Variants in PIGU observed in about 807,000 individuals in gnomAD.
PIGU encodes phosphatidylinositol glycan anchor biosynthesis class U, also known as GPI-anchor transamidase component PIGU.
A neutral mutation model predicts 49.9 loss-of-function variants in PIGU; 24 were observed. That is an observed-to-expected ratio of 0.48 (90% CI 0.35 to 0.68). PIGU has a LOEUF of 0.68. Among genes scored for constraint, PIGU ranks in the 30% least tolerant of loss-of-function variants. The pLI, the probability that PIGU is intolerant of heterozygous loss-of-function variation, is 0.01. For synonymous variants in PIGU, 220 were observed against 205.7 expected (o/e 1.07, Z -0.59); for missense variants, 490 against 532.6 (o/e 0.92, Z 0.79).
At chr20:34,671,180 A>G (rs981523408) in intron 1 of PIGU, among the ~76,000 whole-genome samples, 3 of 152,230 alleles carry the variant, frequency 2.0e-5, no homozygotes, top group Non-Finnish European at 2.9e-5. Context: ...TTAGAGATCA[A>G]ATTAGTGCAT....
intron 9 of PIGU, among the ~76,000 whole-genome samples, chr20:34,583,234 TC>T (rs1481660402): frequency 6.6e-6 from 1 of 152,212 alleles, no homozygotes; most frequent in Non-Finnish European, 1.5e-5. Context: ...GTGAACATCT[TC>T]CTAAACACAA....
intron 9 of PIGU, 33 bp from the exon 10 acceptor site, chr20:34,581,705 T>G: frequency 1.2e-6 from 2 of 1,605,772 alleles, no homozygotes; most frequent in East Asian, 2.2e-5. Context: ...GAGAGAGAGA[T>G]GAGTCAGGGA....
intron 11 of PIGU, among the ~76,000 whole-genome samples, chr20:34,565,903 GCA>G (rs1214088232): frequency 1.4e-5 from 2 of 143,848 alleles, no homozygotes; most frequent in African/African-American, 2.7e-5. Context: ...ACACATGCTT[GCA>G]CACACACATG....
Position 34,651,869 on chromosome 20 carries a change from C to T in PIGU, c.195+5311G>A, listed in dbSNP as rs575450439. Among the ~76,000 whole-genome samples, 4 of 151,908 alleles carry T rather than the reference C, an allele frequency of 2.6e-5. No individual in the cohort carries two copies. In the East Asian group the frequency reaches 5.8e-4, roughly 22 times the overall value. On this transcript the variant is annotated intron_variant, in intron 2 of 11. Transcript: ENST00000217446. ...CTGCAATCACAACACTTTAGGAGGCCGAGGTGGGAGGATCACTTGAGGCCA... is the reference window on the plus strand; with the variant it reads ...CTGCAATCACAACACTTTAGGAGGCTGAGGTGGGAGGATCACTTGAGGCCA...
intron 1 of PIGU, among the ~76,000 whole-genome samples, chr20:34,667,736 A>G (rs1344935841): frequency 6.6e-6 from 1 of 152,252 alleles, no homozygotes; most frequent in Non-Finnish European, 1.5e-5. Flanking sequence ...ACACCTGAGT[A>G]ATGACTGTTA....
At chr20:34,614,470 A>C (rs545616341) in intron 7 of PIGU, among the ~76,000 whole-genome samples, 1 of 150,604 alleles carries the variant, frequency 6.6e-6, no homozygotes, top group African/African-American at 2.4e-5. Context: ...CCATCTCTAC[A>C]AAAAATTAGC....
chr20:34,677,042 A>C lies in PIGU; in HGVS notation c.44T>G (p.Val15Gly), dbSNP rs1394037200. The change falls in exon 1 of 12, where the codon GTG (valine) becomes GGG (glycine). Residue 15 changes from valine (V) to glycine (G), a missense_variant. By Grantham distance (109) the Val-to-Gly change is moderately radical (BLOSUM62 -3). Transcript: ENST00000217446. ...ACTGGAGCGGAACAAGGCCGCCCGCACTGTCACAGCCACCACCAGCACCAG... is the reference window on the plus strand; with the variant it reads ...ACTGGAGCGGAACAAGGCCGCCCGCCCTGTCACAGCCACCACCAGCACCAG... ...LVLVLVVAVT[V>G]RAALFRSSLA... 1.3e-6 allele frequency: 2 copies of C among 1,576,372 alleles called. No homozygotes were observed. The highest frequency in any genetic ancestry group is 1.7e-6 in the Non-Finnish European group (2 of 1,161,532).
chr20:34,589,763 C>G (rs774993313), intron 7 of PIGU, among the ~76,000 whole-genome samples: 4 of 143,564 alleles, frequency 2.8e-5, no homozygotes, highest in Non-Finnish European at 6.0e-5. Flanking sequence ...TCAAGGGATT[C>G]TCCTGCCTCA....
At chr20:34,594,647 G>A (rs760570110) in intron 7 of PIGU, among the ~76,000 whole-genome samples, 34 of 152,256 alleles carry the variant, frequency 2.2e-4, no homozygotes, top group Non-Finnish European at 2.9e-4. Context: ...GGTGGCAGGC[G>A]CCTGTAATCC....
chr20:34,623,766 T>C (rs189427587), intron 6 of PIGU, among the ~76,000 whole-genome samples: 20 of 152,344 alleles, frequency 1.3e-4, no homozygotes, highest in African/African-American at 4.8e-4. Flanking sequence ...AGGAGGTAGA[T>C]ATTCTGGGAT....
chr20:34,566,748 G>A (rs142175437), intron 11 of PIGU, among the ~76,000 whole-genome samples: 2 of 152,158 alleles, frequency 1.3e-5, no homozygotes, highest in Non-Finnish European at 1.5e-5. Flanking sequence ...AGTCCTGCCT[G>A]TCAGAGGCCC....
chr20:34,666,246 C>A (rs1420814220), intron 1 of PIGU, among the ~76,000 whole-genome samples: 1 of 152,000 alleles, frequency 6.6e-6, no homozygotes, highest in Non-Finnish European at 1.5e-5. Flanking sequence ...TCACAAAGTG[C>A]CTATTAGGGG....
At position 34,602,349 on chromosome 20, in the gene PIGU, C is replaced by T. The variant is rs370641925; in HGVS notation, c.627+13693G>A. On this transcript the variant is annotated intron_variant, in intron 7 of 11. Coordinates refer to ENST00000217446, the MANE Select transcript of PIGU (RefSeq NM_080476.5). ...CGGTGGCTCACATCTGTAATCCTAG[C>T]ACTTTGGGAGGCCGAGGTGGGCGGA... Among the ~76,000 whole-genome samples, 6 of 151,338 alleles carry T rather than the reference C, an allele frequency of 4.0e-5. No homozygotes were observed. The East Asian group carries it at 1.2e-3, about 30-fold the overall frequency.
At chr20:34,673,528 A>G (rs1987380184) in intron 1 of PIGU, among the ~76,000 whole-genome samples, 1 of 152,186 alleles carries the variant, frequency 6.6e-6, no homozygotes, top group Non-Finnish European at 1.5e-5. Context: ...CAAGCTCCAG[A>G]CCTAAACCTG....
chr20:34,587,311 C>T (rs993101703), intron 8 of PIGU, among the ~76,000 whole-genome samples: 4 of 152,200 alleles, frequency 2.6e-5, no homozygotes, highest in Non-Finnish European at 5.9e-5. Flanking sequence ...CTGAGTCCAG[C>T]TAGAGCTATG....
chr20:34,574,680 C>T (rs973513986), intron 11 of PIGU, among the ~76,000 whole-genome samples: 4 of 152,164 alleles, frequency 2.6e-5, no homozygotes, highest in Non-Finnish European at 4.4e-5. Flanking sequence ...GCCCTCTCCC[C>T]CTCACTCTAT....
At chr20:34,619,755 G>T (rs1302016698) in intron 6 of PIGU, among the ~76,000 whole-genome samples, 1 of 152,226 alleles carries the variant, frequency 6.6e-6, no homozygotes, top group Non-Finnish European at 1.5e-5. Context: ...TAGCCAAATG[G>T]ACTTGTGAGT....
chr20:34,659,012 C>T (rs1329530148), intron 1 of PIGU, among the ~76,000 whole-genome samples: 1 of 143,848 alleles, frequency 7.0e-6, no homozygotes, highest in African/African-American at 2.6e-5. Flanking sequence ...CTCTGCCCGG[C>T]CACCCCCTAC....
At chr20:34,599,439 AC>A (rs943319573) in intron 7 of PIGU, among the ~76,000 whole-genome samples, 1 of 151,702 alleles carries the variant, frequency 6.6e-6, no homozygotes, top group African/African-American at 2.4e-5. Flanking sequence ...GGCAACAGAG[AC>A]CCCCGTCTCA....
Sources: gnomAD v4.1 joint callset for allele counts (sites outside exome capture counted in the v4.1 genomes callset) on GRCh38, gnomAD v4.1.1 for gene constraint, MANE v1.5 for transcripts, NCBI Gene and HGNC (gene_info 2026-07-23, HGNC 2026-07-21) for gene names.